The following TM2D1 variants were observed in gnomAD, a reference collection of about 807,000 sequenced individuals.
TM2D1 encodes the protein TM2 domain containing 1, also known as TM2 domain-containing protein 1.
TM2D1 carries 15 observed loss-of-function variants against 28.4 expected under a neutral mutation model. The ratio of observed to expected loss-of-function variants is 0.53; its 90% CI spans 0.35 to 0.81. The LOEUF (loss-of-function observed/expected upper bound fraction) is 0.81. TM2D1 is among the 40% of genes least tolerant of loss of function. TM2D1 has a pLI of 0.01. For synonymous variants in TM2D1, 93 were observed against 96.2 expected (o/e 0.97, Z 0.20); for missense variants, 236 against 254.9 (o/e 0.93, Z 0.50).
intron 1 of TM2D1, 62 bp downstream of exon 1, chr1:61,724,895 G>C (rs543158404): frequency 6.6e-7 from 1 of 1,506,268 alleles, no homozygotes; most frequent in East Asian, 2.3e-5. Flanking sequence ...TGACGGCAGC[G>C]ACCCACCTGC....
intron 1 of TM2D1, among the ~76,000 whole-genome samples, chr1:61,724,078 T>G (rs1163684904): frequency 1.3e-5 from 2 of 152,128 alleles, no homozygotes; most frequent in Non-Finnish European, 2.9e-5. Context: ...AACCTTTAAA[T>G]TTGCCCCATA....
chr1:61,683,824 C>T, intron 5 of TM2D1: 1 of 224,830 alleles, frequency 4.4e-6, no homozygotes, highest in Non-Finnish European at 8.6e-6. Flanking sequence ...CTTAGCTCTG[C>T]TTGTCTTCAT....
chr1:61,708,581 A>G (rs1315979599), intron 3 of TM2D1, among the ~76,000 whole-genome samples: 1 of 152,204 alleles, frequency 6.6e-6, no homozygotes, highest in Non-Finnish European at 1.5e-5. Context: ...TCTGTTTAAC[A>G]TTACCATTCA....
intron 1 of TM2D1, 23 bp downstream of exon 1, chr1:61,724,934 G>T (rs752760401): frequency 6.4e-7 from 1 of 1,568,224 alleles, no homozygotes; most frequent in South Asian, 1.1e-5. Flanking sequence ...CCTCCATGGG[G>T]GGGTGTTCTC....
At position 61,711,694 on chromosome 1, in the gene TM2D1, C is replaced by T. The variant is rs183842666; in HGVS notation, c.239-2257G>A. Among the ~76,000 whole-genome samples the T allele has an allele frequency of 7.2e-5, 11 of 152,070 alleles. 1 individual carries two copies. The East Asian group carries it at 1.5e-3, about 21-fold the overall frequency. The stretch of plus-strand genomic sequence containing the variant: ...CAATTGGTATGTAGCTATTTGGCTA[C>T]CTGCCTTGGCACAGGGATAAAATTT... On this transcript the variant is annotated intron_variant, in intron 2 of 6. Coordinates refer to ENST00000606498, the MANE Select transcript of TM2D1 (RefSeq NM_032027.3).
At chr1:61,700,154 T>A (rs1195627591) in intron 4 of TM2D1, 1 of 1,509,862 alleles carries the variant, frequency 6.6e-7, no homozygotes, top group Non-Finnish European at 8.8e-7. Context: ...GTAAATCTCT[T>A]AATCTCGTGA....
intron 3 of TM2D1, among the ~76,000 whole-genome samples, chr1:61,708,243 C>T (rs1042969008): frequency 6.6e-6 from 1 of 152,012 alleles, no homozygotes; most frequent in African/African-American, 2.4e-5. Context: ...GAGACAGGGT[C>T]TCCCTACTTT....
intron 2 of TM2D1, among the ~76,000 whole-genome samples, chr1:61,716,031 T>G (rs1356735190): frequency 6.6e-6 from 1 of 151,598 alleles, no homozygotes; most frequent in Non-Finnish European, 1.5e-5. Flanking sequence ...GGTCTCGATC[T>G]CCTGACCTCG....
At chr1:61,719,451 A>AATCTGGGT (rs1644545001) in intron 2 of TM2D1, among the ~76,000 whole-genome samples, 1 of 151,712 alleles carries the variant, frequency 6.6e-6, no homozygotes, top group Non-Finnish European at 1.5e-5. Context: ...ACAATTGGTC[A>AATCTGGGT]ATCTGGGTAA....
chr1:61,714,997 TACTC>T (rs1644506371), intron 2 of TM2D1, among the ~76,000 whole-genome samples: 1 of 152,166 alleles, frequency 6.6e-6, no homozygotes, highest in Non-Finnish European at 1.5e-5. Flanking sequence ...CAGGATTAGA[TACTC>T]AGGAAAGACA....
At chr1:61,698,728 T>C (rs2148046211) in intron 4 of TM2D1, 1 of 144,698 alleles carries the variant, frequency 6.9e-6, no homozygotes, top group African/African-American at 2.7e-5. Flanking sequence ...TAAGGTTAGT[T>C]GTAAAATGGG....
intron 2 of TM2D1, among the ~76,000 whole-genome samples, chr1:61,716,285 C>T (rs1373345338): frequency 6.6e-6 from 1 of 150,482 alleles, no homozygotes; most frequent in Non-Finnish European, 1.5e-5. Context: ...TGCCATTGCA[C>T]TACAGCCTGG....
chr1:61,694,990 CAAAT>C (rs1012197025), intron 4 of TM2D1, among the ~76,000 whole-genome samples: 4 of 151,806 alleles, frequency 2.6e-5, no homozygotes, highest in African/African-American at 9.7e-5. Context: ...ATTCCCTTAA[CAAAT>C]AAATATTAGT....
At chr1:61,684,145 AC>A (rs1384144463) in intron 5 of TM2D1, among the ~76,000 whole-genome samples, 1 of 152,230 alleles carries the variant, frequency 6.6e-6, no homozygotes, top group African/African-American at 2.4e-5. Context: ...CATGTTCGCT[AC>A]AATCATCTTG....
intron 2 of TM2D1, among the ~76,000 whole-genome samples, chr1:61,709,773 A>C (rs182318355): frequency 6.6e-6 from 1 of 152,302 alleles, no homozygotes; most frequent in Non-Finnish European, 1.5e-5. Flanking sequence ...AGAATTAAGA[A>C]TACCTCTCAA....
intron 4 of TM2D1, chr1:61,696,162 T>G: frequency 6.6e-6 from 1 of 152,234 alleles, no homozygotes; most frequent in East Asian, 1.9e-4. Context: ...GTATTTCATA[T>G]TTCCGAAATG....
chr1:61,688,386 T>C (rs761166369), intron 5 of TM2D1, among the ~76,000 whole-genome samples: 30 of 152,196 alleles, frequency 2.0e-4, no homozygotes, highest in Non-Finnish European at 3.5e-4. Flanking sequence ...ACACCAGGGT[T>C]AAATAATGAT....
At chr1:61,690,230 GT>G (rs1314467222) in intron 5 of TM2D1, among the ~76,000 whole-genome samples, 2 of 152,114 alleles carry the variant, frequency 1.3e-5, no homozygotes, top group Non-Finnish European at 2.9e-5. Flanking sequence ...GCCAAGGTGG[GT>G]GGATCATTTG....
intron 6 of TM2D1, among the ~76,000 whole-genome samples, chr1:61,682,801 G>A (rs867346796): frequency 6.6e-6 from 1 of 151,172 alleles, no homozygotes; most frequent in South Asian, 2.1e-4. Context: ...GCTGAGGCAC[G>A]AGAATCGCTT....
Sources: gnomAD v4.1 joint callset for allele counts (sites outside exome capture counted in the v4.1 genomes callset) on GRCh38, gnomAD v4.1.1 for gene constraint, MANE v1.5 for transcripts, NCBI Gene and HGNC (gene_info 2026-07-23, HGNC 2026-07-21) for gene names.